Variants in TRANK1 observed in about 807,000 individuals in gnomAD.
The protein encoded by TRANK1 is tetratricopeptide repeat and ankyrin repeat containing 1, also known as TPR and ankyrin repeat-containing protein 1.
A neutral mutation model predicts 266.0 loss-of-function variants in TRANK1; 198 were observed. The observed-to-expected ratio is 0.74, with a 90% CI of 0.66 to 0.84. The LOEUF is 0.84. Ranked by LOEUF, TRANK1 falls within the 40% of genes least tolerant of loss-of-function variation. TRANK1 has a pLI of 0.00. For missense variants in TRANK1, 3,326 were observed against 3,634.6 expected (o/e 0.92, Z 2.18); for synonymous variants, 1,396 against 1,384.1 (o/e 1.01, Z -0.19).
intron 1 of TRANK1, among the ~76,000 whole-genome samples, chr3:36,921,772 G>T (rs541271090): frequency 1.1e-4 from 16 of 152,322 alleles, no homozygotes; most frequent in Non-Finnish European, 1.5e-4. Flanking sequence ...GGTAGGAGCT[G>T]CTGGGTTTGC....
At chr3:36,870,109 C>T (rs1033932764) in intron 9 of TRANK1, among the ~76,000 whole-genome samples, 1 of 152,106 alleles carries the variant, frequency 6.6e-6, no homozygotes, top group Non-Finnish European at 1.5e-5. Context: ...TAGGCTTTTC[C>T]ACAAGTTCTA....
chr3:36,860,742 G>A (rs2079130490), intron 11 of TRANK1, among the ~76,000 whole-genome samples, 164 bp downstream of exon 11: 1 of 152,232 alleles, frequency 6.6e-6, no homozygotes, highest in South Asian at 2.1e-4. Context: ...CACTCACAGG[G>A]CAGTAACCTC....
intron 1 of TRANK1, among the ~76,000 whole-genome samples, chr3:36,943,171 G>C (rs2080520853): frequency 6.6e-6 from 1 of 151,872 alleles, no homozygotes; most frequent in African/African-American, 2.4e-5. Flanking sequence ...CAGCCTGGGT[G>C]ACAGAGCGAG....
rs1006779939 is a variant in TRANK1 at position 36,858,872 on chromosome 3, C to A, written c.1518G>T (p.Glu506Asp). The change falls in exon 12 of 24, where the codon GAG (glutamate) becomes GAT (aspartate). Residue 506 changes from glutamate (E) to aspartate (D), a missense_variant. Glu to Asp is a conservative substitution (Grantham distance 45). Coordinates refer to ENST00000645898, the MANE Select transcript of TRANK1 (RefSeq NM_001329998.2). ...DSGALPDGLQ[E>D]SQERPVVTCL... The stretch of plus-strand genomic sequence containing the variant: ...ACGTGACAACTGGCCTCTCCTGGCT[C>A]TCCTGAAGACCATCAGGCAAGGCTG... The A allele has an allele frequency of 7.2e-6, 11 of 1,536,376 alleles. No homozygotes were observed. The African/African-American group carries it at 1.4e-4, about 19-fold the overall frequency.
At chr3:36,914,699 G>A (rs1334441927) in intron 1 of TRANK1, among the ~76,000 whole-genome samples, 3 of 148,274 alleles carry the variant, frequency 2.0e-5, no homozygotes, top group Non-Finnish European at 3.0e-5. Flanking sequence ...GTGCAATGGC[G>A]CGATCTCGGC....
chr3:36,868,985 G>C (rs1414529830), intron 9 of TRANK1, among the ~76,000 whole-genome samples: 1 of 152,178 alleles, frequency 6.6e-6, no homozygotes, highest in African/African-American at 2.4e-5. Flanking sequence ...CCAATCTTGC[G>C]CTTCTTGGTC....
intron 21 of TRANK1, 121 bp downstream of exon 21, chr3:36,834,641 G>A: frequency 1.7e-6 from 2 of 1,178,298 alleles, no homozygotes; most frequent in Non-Finnish European, 2.4e-6. Flanking sequence ...CGCTTAAGTG[G>A]AAAGGGAGCA....
chr3:36,892,086 A>G, intron 7 of TRANK1, 116 bp downstream of exon 7: 2 of 1,214,104 alleles, frequency 1.6e-6, no homozygotes, highest in Non-Finnish European at 2.2e-6. Flanking sequence ...GATCATTTGA[A>G]TATTCAAATG....
intron 15 of TRANK1, chr3:36,851,427 A>C: frequency 8.9e-7 from 1 of 1,122,764 alleles, no homozygotes; most frequent in Non-Finnish European, 1.1e-6. Context: ...CCTGGGAGCC[A>C]AGGATAACAG....
At chr3:36,879,669 TATAAATATATAAATATATAAATATATAA>T (rs2079454138) in intron 8 of TRANK1, among the ~76,000 whole-genome samples, 1 of 100,874 alleles carries the variant, frequency 9.9e-6, no homozygotes, top group Non-Finnish European at 1.8e-5. Context: ...TATAAATATA[TATAAATATATAAATATATAAATATATAA>T]ATATAAATAT....
In TRANK1 at chr3:36,832,841, C is replaced by A; in HGVS notation, c.6742G>T (p.Glu2248Ter). 1 of 1,613,944 alleles carries A rather than the reference C, an allele frequency of 6.2e-7. No individual in the cohort carries two copies. The highest frequency in any genetic ancestry group is 8.5e-7 in the Non-Finnish European group (1 of 1,179,846). ...AKKVFPKILA[E>*]ELKEIDYILS... ...ATATAATCAATTTCTTTAAGTTCTT[C>A]TGCTAAGATTTTAGGGAATACTTTT... The change falls in exon 22 of 24, where the codon GAA becomes TAA. Residue 2248 changes from glutamate to a stop codon, truncating the protein, a stop_gained. Transcript: ENST00000645898. LOFTEE classifies it high-confidence loss of function.
chr3:36,864,801 C>A (rs551011059), intron 9 of TRANK1, among the ~76,000 whole-genome samples: 2 of 152,250 alleles, frequency 1.3e-5, no homozygotes, highest in South Asian at 2.1e-4. Context: ...TCAGGCTAGC[C>A]TACTGAGAGA....
chr3:36,829,754 A>C (rs2078670816), intron 22 of TRANK1, 92 bp from the exon 23 acceptor site: 1 of 1,347,590 alleles, frequency 7.4e-7, no homozygotes, highest in Admixed American at 1.8e-5. Flanking sequence ...ACATCCCAAG[A>C]GCTGGTCTCT....
At chr3:36,859,490 C>A (rs1575215617) in intron 11 of TRANK1, among the ~76,000 whole-genome samples, 1 of 152,046 alleles carries the variant, frequency 6.6e-6, no homozygotes, top group Non-Finnish European at 1.5e-5. Context: ...CATTGTTCAA[C>A]AGCCACTTAT....
At chr3:36,913,730 C>T (rs984738466) in intron 1 of TRANK1, among the ~76,000 whole-genome samples, 1 of 151,840 alleles carries the variant, frequency 6.6e-6, no homozygotes, top group African/African-American at 2.4e-5. Context: ...TTCATAAGGC[C>T]CCTGGAAAAG....
At position 36,855,843 on chromosome 3, in the gene TRANK1, C is replaced by G. The variant is rs1426927519; in HGVS notation, c.3879G>C (p.Glu1293Asp). ...STIPSWQEDEEEAEVDGDYSE... is the reference protein window; with the variant it reads ...STIPSWQEDEDEAEVDGDYSE... Reference sequence around the variant, plus strand: ...TGTAGTCCCCATCCACCTCAGCCTCCTCTTCATCCTCTTGCCAACTAGGAA... The same window carrying G: ...TGTAGTCCCCATCCACCTCAGCCTCGTCTTCATCCTCTTGCCAACTAGGAA... Residue 1293 changes from glutamate (E) to aspartate (D), a missense_variant, in exon 13 of 24, where the codon GAG becomes GAC. By Grantham distance (45) the Glu-to-Asp change is conservative. Coordinates refer to ENST00000645898, the MANE Select transcript of TRANK1 (RefSeq NM_001329998.2). 4 of 1,613,698 alleles carry G rather than the reference C, an allele frequency of 2.5e-6. No individual in the cohort carries two copies. The highest frequency in any genetic ancestry group is 8.5e-7 in the Non-Finnish European group (1 of 1,179,844).
chr3:36,865,523 A>G (rs1256745945), intron 9 of TRANK1, among the ~76,000 whole-genome samples: 1 of 152,178 alleles, frequency 6.6e-6, no homozygotes, highest in Non-Finnish European at 1.5e-5. Flanking sequence ...CTGGCCAAGG[A>G]AGGGAAGGCA....
chr3:36,891,394 G>A (rs1474423828), intron 7 of TRANK1, among the ~76,000 whole-genome samples: 1 of 152,204 alleles, frequency 6.6e-6, no homozygotes, highest in East Asian at 1.9e-4. Flanking sequence ...ATAACACCAG[G>A]ACAAATCTGG....
chr3:36,849,925 G>T (rs2078964841), intron 15 of TRANK1: 3 of 620,360 alleles, frequency 4.8e-6, no homozygotes, highest in Non-Finnish European at 6.0e-6. Context: ...TTCTGTTTGG[G>T]ATTGTTTTAG....
Sources: allele counts gnomAD v4.1 joint callset (sites outside exome capture counted in the v4.1 genomes callset), GRCh38; gene constraint gnomAD v4.1.1; transcripts MANE v1.5; gene names NCBI Gene and HGNC (gene_info 2026-07-23, HGNC 2026-07-21).